The following ARHGAP26 variants were observed in gnomAD, a reference collection of about 807,000 sequenced individuals.
ARHGAP26 encodes the protein rho GTPase-activating protein 26.
Under a neutral mutation model 104.8 loss-of-function variants are expected in ARHGAP26, and 38 were observed. The ratio of observed to expected loss-of-function variants is 0.36; its 90% CI spans 0.28 to 0.48. The LOEUF is 0.48. ARHGAP26 is among the 20% of genes least tolerant of loss of function. The pLI is 0.99. For missense variants in ARHGAP26, 704 were observed against 947.9 expected (o/e 0.74, Z 3.38); for synonymous variants, 341 against 340.0 (o/e 1.00, Z -0.03).
intron 11 of ARHGAP26, among the ~76,000 whole-genome samples, chr5:142,987,738 T>C (rs245724): frequency 0.26 from 39,058 of 151,862 alleles, 5,361 homozygotes; most frequent in East Asian, 0.47. Flanking sequence ...GCCTTTTCTG[T>C]ATCTATTGAG....
chr5:143,121,695 G>A (rs1345334813), intron 18 of ARHGAP26, among the ~76,000 whole-genome samples: 1 of 152,112 alleles, frequency 6.6e-6, no homozygotes, highest in Non-Finnish European at 1.5e-5. Context: ...TTCTTTTGGG[G>A]AATTGGGGTT....
intron 13 of ARHGAP26, among the ~76,000 whole-genome samples, 191 bp downstream of exon 13, chr5:143,037,452 T>C (rs943041020): frequency 6.6e-6 from 1 of 152,188 alleles, no homozygotes; most frequent in Non-Finnish European, 1.5e-5. Context: ...ACCAACTTCT[T>C]TGGCTGATCA....
At chr5:142,951,805 C>G (rs1377987541) in intron 11 of ARHGAP26, among the ~76,000 whole-genome samples, 3 of 152,172 alleles carry the variant, frequency 2.0e-5, no homozygotes, top group Non-Finnish European at 4.4e-5. Flanking sequence ...AGCGGAATAC[C>G]TGAGTTGGAG....
intron 11 of ARHGAP26, among the ~76,000 whole-genome samples, chr5:142,945,437 A>C (rs377454590): frequency 1.3e-5 from 2 of 152,256 alleles, no homozygotes; most frequent in South Asian, 4.1e-4. Flanking sequence ...TTTGTGGCCT[A>C]GGTTAACTAC....
intron 13 of ARHGAP26, 46 bp from the exon 14 acceptor site, chr5:143,041,770 T>A: frequency 6.8e-7 from 1 of 1,470,128 alleles, no homozygotes. Context: ...GCCTGACTTG[T>A]GTTCTGACGT....
At chr5:142,827,122 A>G (rs572714675) in intron 1 of ARHGAP26, among the ~76,000 whole-genome samples, 1 of 145,362 alleles carries the variant, frequency 6.9e-6, no homozygotes, top group South Asian at 2.2e-4. Context: ...TTTAAATCCT[A>G]TTTTTTTTCT....
At chr5:143,101,002 A>G (rs1336908824) in intron 17 of ARHGAP26, among the ~76,000 whole-genome samples, 1 of 152,224 alleles carries the variant, frequency 6.6e-6, no homozygotes, top group East Asian at 1.9e-4. Context: ...CTGAAGCAGG[A>G]GAATGGCTTG....
rs137862790 is a variant in ARHGAP26 at position 143,072,446 on chromosome 5, T to G, written c.1538+14699T>G. On this transcript the variant is annotated intron_variant, in intron 17 of 22. Coordinates refer to ENST00000645722, the MANE Select transcript of ARHGAP26 (RefSeq NM_001135608.3). ...GAAATCATTACATTGAAGAGACATC[T>G]GCACACTAATGTTTCTTGCACCACT... is the stretch of plus-strand genomic sequence containing the variant. Among the ~76,000 whole-genome samples the G allele has an allele frequency of 1.6e-3, 249 of 152,368 alleles. 3 individuals are homozygous for G. The highest frequency in any genetic ancestry group is 0.016 in the East Asian group (81 of 5,192).
At chr5:143,208,225 T>A (rs1231463589) in intron 21 of ARHGAP26, among the ~76,000 whole-genome samples, 1 of 152,214 alleles carries the variant, frequency 6.6e-6, no homozygotes, top group Non-Finnish European at 1.5e-5. Flanking sequence ...AAAGAACGAA[T>A]AGGGATCCTG....
Position 143,228,040 on chromosome 5 carries a change from G to T in ARHGAP26, c.*5594G>T, listed in dbSNP as rs1039719031. The stretch of plus-strand genomic sequence containing the variant: ...CATGTCCATGTCAAAATTCACTTTA[G>T]TCAGAACCAGAGTATTGATAAACAA... On this transcript the variant is annotated 3_prime_UTR_variant, in exon 23 of 23. Transcript: ENST00000645722. 10 of 220,316 alleles carry T rather than the reference G, an allele frequency of 4.5e-5. No homozygotes were observed. The highest frequency in any genetic ancestry group is 1.2e-4 in the Admixed American group (2 of 17,300). 13.6% of individuals were successfully genotyped at this position (220,316 alleles called of 1,614,324 possible).
intron 22 of ARHGAP26, among the ~76,000 whole-genome samples, chr5:143,221,262 T>G (rs1323526846): frequency 6.6e-6 from 1 of 152,026 alleles, no homozygotes; most frequent in Non-Finnish European, 1.5e-5. Flanking sequence ...TATATATTCT[T>G]TGGATACTGA....
chr5:143,035,137 T>C (rs1203140466), intron 12 of ARHGAP26, among the ~76,000 whole-genome samples: 1 of 152,222 alleles, frequency 6.6e-6, no homozygotes, highest in Non-Finnish European at 1.5e-5. Flanking sequence ...TAAGTATGTA[T>C]GTAAGTATAG....
chr5:142,945,745 A>G (rs1562128539), intron 11 of ARHGAP26, among the ~76,000 whole-genome samples: 1 of 152,218 alleles, frequency 6.6e-6, no homozygotes, highest in African/African-American at 2.4e-5. Flanking sequence ...TTCCACCCAG[A>G]TAACCTAAAT....
chr5:142,978,683 T>G (rs1210725032), intron 11 of ARHGAP26, among the ~76,000 whole-genome samples: 2 of 152,070 alleles, frequency 1.3e-5, no homozygotes, highest in Non-Finnish European at 2.9e-5. Flanking sequence ...TTCCACCTCT[T>G]GAACACCCTA....
intron 6 of ARHGAP26, among the ~76,000 whole-genome samples, chr5:142,896,702 C>T (rs1179885082): frequency 6.6e-6 from 1 of 152,164 alleles, no homozygotes; most frequent in Admixed American, 6.5e-5. Flanking sequence ...CTTTAAGAAG[C>T]AGTAGCATCA....
chr5:143,227,870 C>T lies in ARHGAP26; in HGVS notation c.*5424C>T, dbSNP rs991177816. The T allele has an allele frequency of 3.6e-5, 8 of 220,276 alleles. No individual in the cohort carries two copies. Among genetic ancestry groups the T allele is most frequent in the East Asian group, 6.7e-5 (1 of 15,002 alleles). The allele number at this position is 220,276 out of a possible 1,614,324, so 13.6% of individuals were successfully genotyped here. On this transcript the variant is annotated 3_prime_UTR_variant, in exon 23 of 23. Transcript: ENST00000645722. ...TGCTTACTGAGGAGAAAAAAAAAAG[C>T]GATCACAGAAAAATTTCACAGCTAA...
chr5:143,158,675 TCTCA>T lies in ARHGAP26; in HGVS notation c.1988+11297_1988+11300del, dbSNP rs548503989. Among the ~76,000 whole-genome samples, 268 of 152,356 alleles carry T rather than the reference TCTCA, an allele frequency of 1.8e-3. 1 individual carries two copies. The highest frequency in any genetic ancestry group is 3.2e-3 in the Non-Finnish European group (221 of 68,032). ...TTCCTTCACAAGGAAGCAGTGGAGT[TCTCA>T]CTAAGACATTGCTTTAATGTTCCTT... is the stretch of plus-strand genomic sequence containing the variant. On this transcript the variant is annotated intron_variant, in intron 20 of 22. Coordinates refer to ENST00000645722, the MANE Select transcript of ARHGAP26 (RefSeq NM_001135608.3).
chr5:143,177,654 G>C (rs1803680619), intron 20 of ARHGAP26, among the ~76,000 whole-genome samples: 1 of 152,178 alleles, frequency 6.6e-6, no homozygotes, highest in Admixed American at 6.5e-5. Flanking sequence ...TATATTTATA[G>C]TGCTTTTCAG....
chr5:143,119,044 T>C (rs1795829144), intron 17 of ARHGAP26, among the ~76,000 whole-genome samples: 1 of 152,138 alleles, frequency 6.6e-6, no homozygotes, highest in South Asian at 2.1e-4. Context: ...CTGCTAAACA[T>C]TCACATGTGC....
Sources: gnomAD v4.1 joint callset for allele counts (sites outside exome capture counted in the v4.1 genomes callset) on GRCh38, gnomAD v4.1.1 for gene constraint, MANE v1.5 for transcripts, NCBI Gene and HGNC (gene_info 2026-07-23, HGNC 2026-07-21) for gene names.